ANKDD1A: variants seen among roughly 807,000 people sequenced by gnomAD.
The protein encoded by ANKDD1A is ankyrin repeat and death domain containing 1A.
ANKDD1A carries 59 observed loss-of-function variants against 63.5 expected under a neutral mutation model. The ratio of observed to expected loss-of-function variants is 0.93; its 90% CI spans 0.75 to 1.15. ANKDD1A has a LOEUF of 1.15. Ranked by LOEUF, ANKDD1A falls within the 50% of genes most tolerant of loss-of-function variation. The pLI is 0.00. For synonymous variants in ANKDD1A, 266 were observed against 263.9 expected, an observed-to-expected ratio of 1.01 and a Z score of -0.08; for missense variants, 632 against 656.4, an observed-to-expected ratio of 0.96 and a Z score of 0.41.
rs1262233240 is a variant in ANKDD1A, at chr15:64,954,211, T to C, written c.1484-2892T>C. ...CCTTCTTTCTTGTTCCTTATTCTTT[T>C]CTTCTTCTTCTTCTTCCTCTCCTTC... On this transcript the variant is annotated intron_variant, in intron 14 of 14. Coordinates refer to ENST00000319580, the MANE Select transcript of ANKDD1A (RefSeq NM_182703.6). Among the ~76,000 whole-genome samples, 8 of 36,442 alleles carry C rather than the reference T, an allele frequency of 2.2e-4. No homozygotes were observed. In the East Asian group the frequency reaches 6.2e-3, roughly 28 times the overall value. 23.9% of individuals were successfully genotyped at this position (36,442 alleles called of 152,430 possible). A position where few individuals can be genotyped will look rare whatever the true frequency, so the allele number is the denominator to read the frequency against.
At chr15:64,921,520 G>A (rs1453568243) in intron 3 of ANKDD1A, among the ~76,000 whole-genome samples, 2 of 152,010 alleles carry the variant, frequency 1.3e-5, no homozygotes, top group African/African-American at 4.8e-5. Context: ...GATTACAGGT[G>A]CCCACCACCA....
chr15:64,919,506 T>G (rs1344619076), intron 3 of ANKDD1A, among the ~76,000 whole-genome samples: 1 of 152,056 alleles, frequency 6.6e-6, no homozygotes, highest in Non-Finnish European at 1.5e-5. Flanking sequence ...AGACCCTCAT[T>G]TGAGGCTCTA....
rs1425027146 is a variant in ANKDD1A, at chr15:64,953,938, C to CT, written c.1484-3163dup. Among the ~76,000 whole-genome samples, 75 of 97,106 alleles carry CT rather than the reference C, an allele frequency of 7.7e-4. 1 individual carries two copies. The highest frequency in any genetic ancestry group is 2.8e-3 in the African/African-American group (68 of 23,876). The allele number at this position is 97,106 out of a possible 152,430, so 63.7% of individuals were successfully genotyped here. A position where few individuals can be genotyped will look rare whatever the true frequency, so the allele number is the denominator to read the frequency against. On this transcript the variant is annotated intron_variant, in intron 14 of 14. Coordinates refer to ENST00000319580, the MANE Select transcript of ANKDD1A (RefSeq NM_182703.6). ...TTCTTCTCTTTTTCTTTTTTCTTTT[C>CT]TTCCTCTTCTTCTATTGTTTCTTTT... is the stretch of plus-strand genomic sequence containing the variant.
chr15:64,942,665 G>A (rs2085194073), intron 10 of ANKDD1A, 100 bp downstream of exon 10: 2 of 698,930 alleles, frequency 2.9e-6, no homozygotes, highest in South Asian at 2.4e-5. Flanking sequence ...CCAGAGTTGA[G>A]GAATCACTTT....
In ANKDD1A at chr15:64,944,676, G is replaced by C. The variant is rs1475902849; in HGVS notation, c.1090G>C (p.Ala364Pro). The change falls in exon 12 of 15, where the codon GCC becomes CCC. Residue 364 changes from alanine (A) to proline (P), a missense_variant. By Grantham distance (27) the Ala-to-Pro change is conservative. Transcript: ENST00000319580. ...GCAGGGAAAAACCGCCCTGGCAGTG[G>C]CCGTCCGCAGCAACCATGTCAGCCT... ...DKQGKTALAV[A>P]VRSNHVSLVD... 1.3e-5 allele frequency: 21 copies of C among 1,613,884 alleles called. No individual in the cohort carries two copies. The highest frequency in any genetic ancestry group is 1.7e-5 in the Non-Finnish European group (20 of 1,179,978).
chr15:64,951,577 T>TTCCTCTTCTTCCTTTTCTTTCTTCTTTC, intron 14 of ANKDD1A: 1 of 133,676 alleles, frequency 7.5e-6, no homozygotes, highest in Non-Finnish European at 1.6e-5. Flanking sequence ...TTCTTTCTTC[T>TTCCTCTTCTTCCTTTTCTTTCTTCTTTC]TCTTCTTCCT....
rs117820628 is a variant in ANKDD1A, at chr15:64,938,215, A to G, written c.867+3981A>G. On this transcript the variant is annotated intron_variant, in intron 9 of 14. Transcript: ENST00000319580. ...AGATATCATGCTCTCAAGGAGGTGA[A>G]GCAGAACCTCCCAACACCTTAAGTA... 5.9e-4 allele frequency among the ~76,000 whole-genome samples: 90 copies of G among 152,336 alleles called. No individual in the cohort carries two copies. In the East Asian group the frequency reaches 0.011, roughly 18 times the overall value.
Position 64,947,550 on chromosome 15 carries a change from G to GT in ANKDD1A, c.1310dup (p.Thr438HisfsTer38). 1 of 1,614,168 alleles carries GT rather than the reference G, an allele frequency of 6.2e-7. No homozygotes were observed. Among genetic ancestry groups the GT allele is most frequent in the Non-Finnish European group, 8.5e-7 (1 of 1,180,018 alleles). The stretch of plus-strand genomic sequence containing the variant: ...GGAAGAAGCTGGCATATTCCTGGGA[G>GT]TTCACGGAGGCACATGTCGACGCCA... On this transcript the variant is annotated frameshift_variant, in exon 13 of 15. Coordinates refer to ENST00000319580, the MANE Select transcript of ANKDD1A (RefSeq NM_182703.6). LOFTEE classifies it high-confidence loss of function.
In ANKDD1A at chr15:64,930,933, C is replaced by T; in HGVS notation, c.669+13C>T. 6.2e-7 allele frequency: 1 copy of T among 1,607,120 alleles called. No homozygotes were observed. On this transcript the variant is annotated intron_variant, in intron 7 of 14. Coordinates refer to ENST00000319580, the MANE Select transcript of ANKDD1A (RefSeq NM_182703.6). ...GGAGCAGAATGCGGTGAGTCACCGCCTGGGGATGGCGAGATGCATGACCCT... is the reference window on the plus strand; with the variant it reads ...GGAGCAGAATGCGGTGAGTCACCGCTTGGGGATGGCGAGATGCATGACCCT...
intron 4 of ANKDD1A, among the ~76,000 whole-genome samples, chr15:64,923,574 A>G (rs1267381080): frequency 2.0e-5 from 3 of 152,170 alleles, no homozygotes; most frequent in Non-Finnish European, 4.4e-5. Flanking sequence ...GGTCTGTCCC[A>G]TGCCATTGTT....
intron 13 of ANKDD1A, among the ~76,000 whole-genome samples, chr15:64,949,389 C>T (rs1595857159): frequency 6.6e-6 from 1 of 152,212 alleles, no homozygotes; most frequent in African/African-American, 2.4e-5. Context: ...CAGGGGAAAG[C>T]ATGGCCAGCT....
chr15:64,954,757 T>C (rs1006548692), intron 14 of ANKDD1A, among the ~76,000 whole-genome samples: 8 of 135,508 alleles, frequency 5.9e-5, no homozygotes, highest in African/African-American at 2.2e-4. Context: ...CTTCTTTCTT[T>C]TTGTTCTTCT....
intron 3 of ANKDD1A, 102 bp downstream of exon 3, chr15:64,917,616 T>C: frequency 5.4e-6 from 8 of 1,474,486 alleles, no homozygotes; most frequent in Non-Finnish European, 7.3e-6. Flanking sequence ...TATGCAGACA[T>C]TCAGGTGCAG....
rs373076230 is a variant in ANKDD1A, at chr15:64,942,448, C to G, written c.868-19C>G. 1 of 1,591,788 alleles carries G rather than the reference C, an allele frequency of 6.3e-7. No homozygotes were observed. The highest frequency in any genetic ancestry group is 8.6e-7 in the Non-Finnish European group (1 of 1,165,120). On this transcript the variant is annotated intron_variant, in intron 9 of 14. Transcript: ENST00000319580. ...CCTGGGAGGGACTGGTCGATTGATC[C>G]GTGTATCTCCTCCCACAGCAGGGTG...
chr15:64,916,330 C>CT (rs1040956905), intron 2 of ANKDD1A, among the ~76,000 whole-genome samples: 3,029 of 140,062 alleles, frequency 0.022, 45 homozygotes, highest in South Asian at 0.035. Flanking sequence ...GGCTTTTTTT[C>CT]TTTTTTTTTT....
At chr15:64,915,950 A>C in intron 2 of ANKDD1A, 50 bp downstream of exon 2, 2 of 1,555,524 alleles carry the variant, frequency 1.3e-6, no homozygotes, top group Non-Finnish European at 1.8e-6. Context: ...GTGTCACGAT[A>C]ATGCCAGTAC....
chr15:64,936,584 A>G (rs1382525655), intron 9 of ANKDD1A, among the ~76,000 whole-genome samples: 1 of 152,308 alleles, frequency 6.6e-6, no homozygotes, highest in Non-Finnish European at 1.5e-5. Context: ...CACATCTGTA[A>G]TCCCAACACT....
intron 13 of ANKDD1A, among the ~76,000 whole-genome samples, chr15:64,949,273 C>T (rs1191464021): frequency 6.6e-6 from 1 of 152,174 alleles, no homozygotes. Flanking sequence ...ATTTTGAAAC[C>T]GTTAAATGCC....
intron 9 of ANKDD1A, among the ~76,000 whole-genome samples, chr15:64,937,812 C>T (rs11634017): frequency 0.51 from 78,115 of 151,990 alleles, 21,117 homozygotes; most frequent in East Asian, 0.83. Flanking sequence ...CTTAAAGATA[C>T]AGTTATGTGA....
Sources: allele counts gnomAD v4.1 joint callset (sites outside exome capture counted in the v4.1 genomes callset), GRCh38; gene constraint gnomAD v4.1.1; transcripts MANE v1.5; gene names NCBI Gene and HGNC (gene_info 2026-07-23, HGNC 2026-07-21).